Variants in LRCH2 observed in about 807,000 individuals in gnomAD.
LRCH2 encodes the protein leucine rich repeats and calponin homology domain containing 2.
In LRCH2, 38 loss-of-function variants were observed where a neutral mutation model predicts 68.9. That is an observed-to-expected ratio of 0.55 (90% CI 0.43 to 0.72). LRCH2 has a LOEUF of 0.72. Among genes scored for constraint, LRCH2 ranks in the 30% least tolerant of loss-of-function variants. LRCH2 has a pLI of 0.00. For missense variants in LRCH2, 528 were observed against 572.9 expected (o/e 0.92, Z 0.80); for synonymous variants, 191 against 208.1 (o/e 0.92, Z 0.71).
chrX:115,154,012 G>A (rs1038207287), intron 12 of LRCH2, among the ~76,000 whole-genome samples: 2 of 111,579 alleles, frequency 1.8e-5, no homozygotes, highest in African/African-American at 6.5e-5. Context: ...TATAAGAAAT[G>A]CGCTTTCTCT....
chrX:115,115,908 C>A (rs1556523881), intron 20 of LRCH2, among the ~76,000 whole-genome samples: 1 of 110,264 alleles, frequency 9.1e-6, no homozygotes, highest in Non-Finnish European at 1.9e-5. Context: ...AGACATTACT[C>A]CAAAGAACAT....
chrX:115,189,932 G>A (rs1556556626), intron 1 of LRCH2: 10 of 1,157,996 alleles, frequency 8.6e-6, no homozygotes, highest in Non-Finnish European at 1.2e-5. Flanking sequence ...CCCCACAAGA[G>A]GGCCACGCCG....
intron 20 of LRCH2, among the ~76,000 whole-genome samples, chrX:115,115,358 T>C (rs1163847962): frequency 9.0e-6 from 1 of 110,800 alleles, no homozygotes; most frequent in Non-Finnish European, 1.9e-5. Context: ...AGGAATTTAG[T>C]GGTAAAAAAA....
intron 1 of LRCH2, among the ~76,000 whole-genome samples, chrX:115,201,637 TG>T (rs1231869569): frequency 8.9e-6 from 1 of 111,772 alleles, no homozygotes; most frequent in Admixed American, 9.5e-5. Flanking sequence ...CCATTGTTAT[TG>T]AATATAGTAC....
intron 1 of LRCH2, among the ~76,000 whole-genome samples, chrX:115,197,802 C>T (rs56171121): frequency 0.11 from 8,942 of 79,198 alleles, 584 homozygotes; most frequent in Middle Eastern, 0.17. Context: ...ACACTCCAGC[C>T]TGGGCAACAG....
At chrX:115,175,779 T>G (rs1556550024) in intron 5 of LRCH2, among the ~76,000 whole-genome samples, 1 of 112,462 alleles carries the variant, frequency 8.9e-6, no homozygotes. Flanking sequence ...CCTTCTCATA[T>G]GCCTTGTCCT....
At position 115,111,125 on chromosome X, in the gene LRCH2, C is replaced by T. The variant is rs781815145; in HGVS notation, c.*2091G>A. Reference sequence around the variant, plus strand: ...GACCATGCTGTGAAACTGCTTTAGACGTGGTGTTGCCATTTGGCACAAGAG... The same window carrying T: ...GACCATGCTGTGAAACTGCTTTAGATGTGGTGTTGCCATTTGGCACAAGAG... On this transcript the variant is annotated 3_prime_UTR_variant, in exon 21 of 21. Transcript: ENST00000317135. 1.8e-5 allele frequency: 2 copies of T among 111,424 alleles called. No individual in the cohort carries two copies. Among genetic ancestry groups the T allele is most frequent in the African/African-American group, 6.5e-5 (2 of 30,661 alleles). 9.2% of individuals were successfully genotyped at this position (111,424 alleles called of 1,213,427 possible).
intron 14 of LRCH2, among the ~76,000 whole-genome samples, chrX:115,135,122 CT>C (rs35620352): frequency 0.053 from 4,667 of 88,122 alleles, 246 homozygotes; most frequent in African/African-American, 0.16. Flanking sequence ...TCTTTTCTTT[CT>C]TTTTTTTTTT....
intron 1 of LRCH2, among the ~76,000 whole-genome samples, chrX:115,200,205 A>G (rs1556565601): frequency 8.9e-6 from 1 of 111,981 alleles, no homozygotes; most frequent in African/African-American, 3.2e-5. Context: ...ATTACAAATT[A>G]TCAACCTAAC....
At chrX:115,114,501 CAAT>C (rs1437126468) in intron 20 of LRCH2, among the ~76,000 whole-genome samples, 2 of 109,227 alleles carry the variant, frequency 1.8e-5, no homozygotes, top group Non-Finnish European at 3.8e-5. Context: ...GAGAGGAAAA[CAAT>C]AAAGTAAAAA....
In LRCH2 at chrX:115,143,273, A is replaced by G. The variant is rs782085977; in HGVS notation, c.1695+6554T>C. Among the ~76,000 whole-genome samples, 6 of 111,795 alleles carry G rather than the reference A, an allele frequency of 5.4e-5. No homozygotes were observed. In the East Asian group the frequency reaches 8.5e-4, roughly 16 times the overall value. On this transcript the variant is annotated intron_variant, in intron 14 of 20. Transcript: ENST00000317135. ...AAGATAAAAAGGGGAGAAGACCCAAATAAAATCAGAGATGAAAAAGGAGAC... is the reference window on the plus strand; with the variant it reads ...AAGATAAAAAGGGGAGAAGACCCAAGTAAAATCAGAGATGAAAAAGGAGAC...
intron 11 of LRCH2, 84 bp from the exon 12 acceptor site, chrX:115,156,751 G>A: frequency 2.0e-6 from 1 of 502,734 alleles, no homozygotes; most frequent in Non-Finnish European, 3.0e-6. Flanking sequence ...AAAATAAACT[G>A]CATCTGGTCC....
chrX:115,143,817 T>C (rs782454404), intron 14 of LRCH2, among the ~76,000 whole-genome samples: 17 of 112,160 alleles, frequency 1.5e-4, no homozygotes, highest in Admixed American at 2.8e-4. Context: ...GATGCAAGCA[T>C]GGTTCAACAT....
chrX:115,138,777 G>A (rs2072311328), intron 14 of LRCH2, among the ~76,000 whole-genome samples: 1 of 111,921 alleles, frequency 8.9e-6, no homozygotes, highest in Non-Finnish European at 1.9e-5. Flanking sequence ...TTGCATTACT[G>A]CACATATTTA....
At chrX:115,187,839 T>C (rs1199652276) in intron 2 of LRCH2, among the ~76,000 whole-genome samples, 1 of 112,871 alleles carries the variant, frequency 8.9e-6, no homozygotes, top group Non-Finnish European at 1.9e-5. Context: ...TAAGGATGCA[T>C]ATAAAATCTG....
chrX:115,158,396 G>A, intron 11 of LRCH2, among the ~76,000 whole-genome samples: 1 of 112,038 alleles, frequency 8.9e-6, no homozygotes, highest in Admixed American at 9.5e-5. Context: ...AGGACTGAGA[G>A]ATCCACCTAA....
chrX:115,200,834 G>A (rs888142669), intron 1 of LRCH2, among the ~76,000 whole-genome samples: 13 of 110,758 alleles, frequency 1.2e-4, no homozygotes, highest in African/African-American at 3.9e-4. Flanking sequence ...AAAACTGGAC[G>A]AGGACACAAC....
chrX:115,217,948 G>T (rs782362548), intron 1 of LRCH2, among the ~76,000 whole-genome samples: 1 of 111,533 alleles, frequency 9.0e-6, no homozygotes, highest in African/African-American at 3.3e-5. Context: ...GTATCTCATT[G>T]TGGTTTTGAT....
chrX:115,222,202 A>G (rs2073090270), intron 1 of LRCH2, among the ~76,000 whole-genome samples: 1 of 111,766 alleles, frequency 8.9e-6, no homozygotes, highest in Admixed American at 9.5e-5. Context: ...AAAATTCAAC[A>G]CCCTTTCATG....
Sources: allele counts gnomAD v4.1 joint callset (sites outside exome capture counted in the v4.1 genomes callset), GRCh38; gene constraint gnomAD v4.1.1; transcripts MANE v1.5; gene names NCBI Gene and HGNC (gene_info 2026-07-23, HGNC 2026-07-21).